COG4: variants seen among roughly 807,000 people sequenced by gnomAD.
COG4 encodes component of oligomeric golgi complex 4, also known as conserved oligomeric Golgi complex subunit 4.
COG4 carries 65 observed loss-of-function variants against 95.1 expected under a neutral mutation model. The observed-to-expected ratio is 0.68, with a 90% CI of 0.56 to 0.84. COG4 has a LOEUF of 0.84. Ranked by LOEUF, COG4 falls within the 40% of genes least tolerant of loss-of-function variation. The pLI is 0.00. For synonymous variants in COG4, 421 were observed against 374.8 expected, an observed-to-expected ratio of 1.12 and a Z score of -1.42; for missense variants, 1,045 against 989.1, an observed-to-expected ratio of 1.06 and a Z score of -0.76.
At chr16:70,521,053 G>A (rs1461961871) in intron 1 of COG4, among the ~76,000 whole-genome samples, 2 of 152,104 alleles carry the variant, frequency 1.3e-5, no homozygotes, top group African/African-American at 2.4e-5. Context: ...CTGGTCCACT[G>A]TTTAATTTTT....
chr16:70,489,069 T>C (rs1220308149), intron 13 of COG4, among the ~76,000 whole-genome samples: 3 of 152,224 alleles, frequency 2.0e-5, no homozygotes, highest in African/African-American at 7.2e-5. Flanking sequence ...TTGGGGTATC[T>C]GGCTTCAAAG....
chr16:70,482,449 G>T (rs979050065), intron 15 of COG4: 1 of 607,288 alleles, frequency 1.6e-6, no homozygotes, highest in South Asian at 2.0e-5. Context: ...AAATCACTAC[G>T]CCAGGAGGAA....
chr16:70,516,125 TA>T, intron 3 of COG4: 1 of 451,466 alleles, frequency 2.2e-6, no homozygotes, highest in Admixed American at 2.4e-5. Flanking sequence ...TTTTTTCTAT[TA>T]ATATGGTGTA....
At chr16:70,509,498 A>G in intron 6 of COG4, 110 bp from the exon 7 acceptor site, 1 of 1,253,884 alleles carries the variant, frequency 8.0e-7, no homozygotes, top group East Asian at 2.4e-5. Flanking sequence ...TGGCTGCTTC[A>G]CTTTCTAAAA....
In COG4 at chr16:70,523,495, C is replaced by G. The variant is rs1210238239; in HGVS notation, c.49G>C (p.Val17Leu). The G allele has an allele frequency of 1.2e-5, 20 of 1,613,992 alleles. No homozygotes were observed. The highest frequency in any genetic ancestry group is 1.5e-5 in the Non-Finnish European group (18 of 1,180,054). ...DLDSPPKLSG[V>L]QQPSEGVGGG... ...CCCACCCCCTCAGACGGCTGCTGCACCCCTGACAGCTTCGGAGGCGAATCA... is the reference window on the plus strand; with the variant it reads ...CCCACCCCCTCAGACGGCTGCTGCAGCCCTGACAGCTTCGGAGGCGAATCA... Residue 17 changes from valine (V) to leucine (L), a missense_variant, in exon 1 of 19, where the codon GTG becomes CTG. Transcript: ENST00000323786.
chr16:70,483,981 C>T lies in COG4; in HGVS notation c.1711-12G>A. ...TTGGTGCAGTCACTCTAGGGGAGAA[C>T]ACTGCTGTAAGACCACCGAGCACGC... On this transcript the variant is annotated splice_polypyrimidine_tract_variant and intron_variant, in intron 13 of 18. Transcript: ENST00000323786. 6.3e-7 allele frequency: 1 copy of T among 1,597,024 alleles called. No homozygotes were observed. The highest frequency in any genetic ancestry group is 8.6e-7 in the Non-Finnish European group (1 of 1,167,674).
intron 12 of COG4, among the ~76,000 whole-genome samples, chr16:70,494,014 GC>G (rs1248346582): frequency 6.6e-6 from 1 of 152,144 alleles, no homozygotes; most frequent in Non-Finnish European, 1.5e-5. Flanking sequence ...CTCTCATCTT[GC>G]CCAGAGTGCT....
At chr16:70,505,488 C>G (rs921336368) in intron 8 of COG4, among the ~76,000 whole-genome samples, 1 of 150,034 alleles carries the variant, frequency 6.7e-6, no homozygotes, top group African/African-American at 2.4e-5. Flanking sequence ...AGGCGTGAGC[C>G]ACCGCACCCA....
chr16:70,508,288 G>A, intron 8 of COG4, 118 bp downstream of exon 8: 1 of 846,240 alleles, frequency 1.2e-6, no homozygotes, highest in South Asian at 1.4e-5. Context: ...TGAAAAATAA[G>A]AGTAATTGAT....
chr16:70,486,424 G>C (rs2049137383), intron 13 of COG4, among the ~76,000 whole-genome samples: 1 of 152,196 alleles, frequency 6.6e-6, no homozygotes, highest in Non-Finnish European at 1.5e-5. Flanking sequence ...GACACTTACT[G>C]TCTTTGAGTA....
At position 70,481,763 on chromosome 16, in the gene COG4, C is replaced by A; in HGVS notation, c.2106+1G>T. 1 of 1,611,960 alleles carries A rather than the reference C, an allele frequency of 6.2e-7. No individual in the cohort carries two copies. Among genetic ancestry groups the A allele is most frequent in the Non-Finnish European group, 8.5e-7 (1 of 1,178,156 alleles). On this transcript the variant is annotated splice_donor_variant, in intron 17 of 18. Coordinates refer to ENST00000323786, the MANE Select transcript of COG4 (RefSeq NM_015386.3). LOFTEE classifies it high-confidence loss of function. ...GCAGACCCATGACCCCTTTACCTTA[C>A]CCGGTTAAAGGTGGATTTCAGCACC...
intron 2 of COG4, among the ~76,000 whole-genome samples, chr16:70,518,284 C>T (rs921682869): frequency 3.9e-5 from 6 of 152,156 alleles, no homozygotes; most frequent in Non-Finnish European, 7.3e-5. Flanking sequence ...AACTAGAGAA[C>T]AAATTCTCTC....
chr16:70,515,091 C>A (rs1190595045), intron 3 of COG4, among the ~76,000 whole-genome samples: 1 of 151,322 alleles, frequency 6.6e-6, no homozygotes. Context: ...TCTTGGCTCA[C>A]TGCAACCTCT....
At position 70,517,641 on chromosome 16, in the gene COG4, C is replaced by G. The variant is rs1290394775; in HGVS notation, c.354G>C (p.Gln118His). The change falls in exon 3 of 19, where the codon CAG becomes CAC. Residue 118 changes from glutamine to histidine, a missense_variant. Physicochemically the swap from Gln to His is conservative, Grantham distance 24. Transcript: ENST00000323786. ...GATGTATTACCTTGGCCAGGTCAAG[C>G]TGACGAACTTTGCTGGACACATTCT... ...LAENVSSKVR[Q>H]LDLAKNRLYQ... The G allele has an allele frequency of 6.5e-7, 1 of 1,534,554 alleles. No homozygotes were observed. The highest frequency in any genetic ancestry group is 1.1e-5 in the South Asian group (1 of 89,332).
In COG4 at chr16:70,480,761, C is replaced by G. The variant is rs1023753371; in HGVS notation, c.*249G>C. ...CTGGCCTGGGCTGCTCGCTGCCTGC[C>G]GTGGCTTTCCCACCTCATTAGGAGC... On this transcript the variant is annotated 3_prime_UTR_variant, in exon 19 of 19. Transcript: ENST00000323786. The G allele has an allele frequency of 1.9e-6, 1 of 539,198 alleles. No individual in the cohort carries two copies. Among genetic ancestry groups the G allele is most frequent in the African/African-American group, 1.9e-5 (1 of 52,208 alleles). 33.4% of individuals were successfully genotyped at this position (539,198 alleles called of 1,614,324 possible). A position where few individuals can be genotyped will look rare whatever the true frequency, so the allele number is the denominator to read the frequency against.
chr16:70,506,079 G>C (rs1307860579), intron 8 of COG4, among the ~76,000 whole-genome samples: 1 of 151,314 alleles, frequency 6.6e-6, no homozygotes, highest in Non-Finnish European at 1.5e-5. Context: ...TCAGGAGTTT[G>C]AGACCAGCCT....
At position 70,494,295 on chromosome 16, in the gene COG4, T is replaced by G. The variant is rs540140193; in HGVS notation, c.1647+1971A>C. On this transcript the variant is annotated intron_variant, in intron 12 of 18. Transcript: ENST00000323786. ...TTCAAATGGTATTGATTTCAAAGTT[T>G]CCCCTGTACTGACAGCCCTAGTAAG... 3.9e-5 allele frequency among the ~76,000 whole-genome samples: 6 copies of G among 152,322 alleles called. No individual in the cohort carries two copies. In the South Asian group the frequency reaches 8.3e-4, roughly 21 times the overall value.
chr16:70,489,732 G>A (rs941078955), intron 13 of COG4, among the ~76,000 whole-genome samples: 3 of 148,494 alleles, frequency 2.0e-5, no homozygotes, highest in African/African-American at 4.9e-5. Context: ...ATGGAGCTAT[G>A]CATCTCATTT....
At chr16:70,487,089 G>C (rs890900621) in intron 13 of COG4, among the ~76,000 whole-genome samples, 2 of 151,662 alleles carry the variant, frequency 1.3e-5, no homozygotes, top group African/African-American at 4.8e-5. Context: ...TCGGGAATTT[G>C]AGACCAGCCT....
Sources: gnomAD v4.1 joint callset for allele counts (sites outside exome capture counted in the v4.1 genomes callset) on GRCh38, gnomAD v4.1.1 for gene constraint, MANE v1.5 for transcripts, NCBI Gene and HGNC (gene_info 2026-07-23, HGNC 2026-07-21) for gene names.